The following SMYD3 variants were observed in gnomAD, a reference collection of about 807,000 sequenced individuals.
The protein encoded by SMYD3 is histone-lysine N-methyltransferase SMYD3.
A neutral mutation model predicts 57.7 loss-of-function variants in SMYD3; 36 were observed. The ratio of observed to expected loss-of-function variants is 0.62; its 90% CI spans 0.48 to 0.82. The LOEUF (loss-of-function observed/expected upper bound fraction) is 0.82. SMYD3 is among the 40% of genes least tolerant of loss of function. The probability of loss-of-function intolerance (pLI) is 0.00; values close to 1 mark genes in which losing one functional copy is unlikely to be tolerated. For missense variants in SMYD3, 515 were observed against 538.8 expected, an observed-to-expected ratio of 0.96 and a Z score of 0.44; for synonymous variants, 211 against 195.0, an observed-to-expected ratio of 1.08 and a Z score of -0.68.
chr1:246,433,160 C>G (rs2067322222), intron 1 of SMYD3, among the ~76,000 whole-genome samples: 1 of 152,174 alleles, frequency 6.6e-6, no homozygotes, highest in African/African-American at 2.4e-5. Flanking sequence ...ATCAGCATTT[C>G]TATACCCCTA....
intron 5 of SMYD3, among the ~76,000 whole-genome samples, chr1:246,312,107 T>C (rs2065090658): frequency 6.6e-6 from 1 of 151,958 alleles, no homozygotes; most frequent in Non-Finnish European, 1.5e-5. Flanking sequence ...GCTAGGAAAA[T>C]GGTTACGACC....
intron 11 of SMYD3, among the ~76,000 whole-genome samples, chr1:245,751,773 C>T (rs1401582688): frequency 1.3e-5 from 2 of 152,192 alleles, no homozygotes; most frequent in African/African-American, 4.8e-5. Flanking sequence ...GTGGCTGGAG[C>T]TGAGATGCTG....
At chr1:246,049,085 G>A (rs1306254554) in intron 5 of SMYD3, among the ~76,000 whole-genome samples, 2 of 152,090 alleles carry the variant, frequency 1.3e-5, no homozygotes, top group African/African-American at 4.8e-5. Flanking sequence ...TGAGAAACAA[G>A]GAAAATGGGG....
At chr1:246,440,253 A>C (rs1488498653) in intron 1 of SMYD3, among the ~76,000 whole-genome samples, 1 of 152,186 alleles carries the variant, frequency 6.6e-6, no homozygotes, top group Non-Finnish European at 1.5e-5. Flanking sequence ...GCCATTTTGG[A>C]ATCTATTTTT....
chr1:246,216,431 C>A (rs1399961120), intron 5 of SMYD3, among the ~76,000 whole-genome samples: 2 of 152,058 alleles, frequency 1.3e-5, no homozygotes, highest in Non-Finnish European at 2.9e-5. Flanking sequence ...ATTGTTTGTA[C>A]CCTCATTTGG....
intron 5 of SMYD3, among the ~76,000 whole-genome samples, chr1:246,125,952 T>A (rs2061502627): frequency 6.6e-6 from 1 of 152,000 alleles, no homozygotes; most frequent in Non-Finnish European, 1.5e-5. Context: ...CAACAAACTT[T>A]GAGGAATCTA....
chr1:246,182,770 A>T (rs977015494), intron 5 of SMYD3, among the ~76,000 whole-genome samples: 3 of 152,104 alleles, frequency 2.0e-5, no homozygotes, highest in African/African-American at 4.8e-5. Flanking sequence ...AGGAAGTAAG[A>T]CTCAGGAGGC....
intron 1 of SMYD3, among the ~76,000 whole-genome samples, chr1:246,420,038 A>C (rs772425851): frequency 4.6e-5 from 7 of 152,192 alleles, no homozygotes; most frequent in Non-Finnish European, 7.3e-5. Flanking sequence ...GTCTCTATTA[A>C]AAATATAAAA....
intron 5 of SMYD3, among the ~76,000 whole-genome samples, chr1:245,958,136 C>G (rs939283827): frequency 6.6e-6 from 1 of 152,144 alleles, no homozygotes; most frequent in African/African-American, 2.4e-5. Context: ...GCTACTATCA[C>G]CCTCATTTCA....
intron 1 of SMYD3, among the ~76,000 whole-genome samples, chr1:246,503,784 G>A (rs2068494023): frequency 6.6e-6 from 1 of 152,014 alleles, no homozygotes; most frequent in South Asian, 2.1e-4. Context: ...CTAACATGGT[G>A]AAACCCCATC....
chr1:246,478,589 C>T (rs12732937), intron 1 of SMYD3, among the ~76,000 whole-genome samples: 6 of 112,014 alleles, frequency 5.4e-5, no homozygotes, highest in African/African-American at 1.2e-4. Context: ...CTCATATATG[C>T]ACACCTGTCC....
intron 8 of SMYD3, among the ~76,000 whole-genome samples, chr1:245,893,427 C>G (rs2053520633): frequency 6.6e-6 from 1 of 152,170 alleles, no homozygotes; most frequent in Non-Finnish European, 1.5e-5. Context: ...TTCACAGTGG[C>G]TTTGACAACC....
intron 8 of SMYD3, among the ~76,000 whole-genome samples, chr1:245,864,258 G>C (rs1401998563): frequency 6.6e-6 from 1 of 152,054 alleles, no homozygotes; most frequent in Non-Finnish European, 1.5e-5. Context: ...CCTACTCCTA[G>C]GTATCTACCC....
chr1:245,841,451 T>C (rs1008214777), intron 10 of SMYD3, among the ~76,000 whole-genome samples: 5 of 152,218 alleles, frequency 3.3e-5, no homozygotes, highest in Admixed American at 1.3e-4. Flanking sequence ...CATGACCTAC[T>C]GGCCTTTATT....
intron 10 of SMYD3, among the ~76,000 whole-genome samples, chr1:245,846,879 A>G (rs1301928710): frequency 1.3e-5 from 2 of 152,138 alleles, no homozygotes; most frequent in East Asian, 1.9e-4. Context: ...TACAGGTGAG[A>G]GCAGATTTGT....
At chr1:246,198,712 T>C (rs911673516) in intron 5 of SMYD3, among the ~76,000 whole-genome samples, 2 of 152,192 alleles carry the variant, frequency 1.3e-5, no homozygotes, top group Admixed American at 1.3e-4. Flanking sequence ...AATGTTGTAA[T>C]TGCAACATAA....
At chr1:245,898,944 A>T (rs1349545012) in intron 8 of SMYD3, among the ~76,000 whole-genome samples, 2 of 152,172 alleles carry the variant, frequency 1.3e-5, no homozygotes, top group Non-Finnish European at 2.9e-5. Context: ...GGTAAGTTTT[A>T]TTTTTTTCCA....
chr1:246,249,524 T>A (rs2063766751), intron 5 of SMYD3, among the ~76,000 whole-genome samples: 1 of 136,436 alleles, frequency 7.3e-6, no homozygotes, highest in Admixed American at 7.6e-5. Context: ...TTTTTTGTTT[T>A]TTTTGTATTT....
At chr1:246,170,876 C>A (rs551768480) in intron 5 of SMYD3, among the ~76,000 whole-genome samples, 1 of 152,198 alleles carries the variant, frequency 6.6e-6, no homozygotes, top group South Asian at 2.1e-4. Flanking sequence ...TATTTTCCTG[C>A]ACTGTTTGTG....
Sources: allele counts gnomAD v4.1 joint callset (sites outside exome capture counted in the v4.1 genomes callset), GRCh38; gene constraint gnomAD v4.1.1; transcripts MANE v1.5; gene names NCBI Gene and HGNC (gene_info 2026-07-23, HGNC 2026-07-21).